Variants in CNBD1 observed in about 807,000 individuals in gnomAD.
The protein encoded by CNBD1 is cyclic nucleotide-binding domain-containing protein 1.
A neutral mutation model predicts 54.4 loss-of-function variants in CNBD1; 71 were observed. The ratio of observed to expected loss-of-function variants is 1.30; its 90% CI spans 1.08 to 1.59. The LOEUF (loss-of-function observed/expected upper bound fraction) is 1.59. Ranked by LOEUF, CNBD1 falls within the 40% of genes most tolerant of loss-of-function variation. CNBD1 has a pLI of 0.00. For synonymous variants in CNBD1, 182 were observed against 170.7 expected, an observed-to-expected ratio of 1.07 and a Z score of -0.51; for missense variants, 659 against 518.0, an observed-to-expected ratio of 1.27 and a Z score of -2.64.
intron 4 of CNBD1, among the ~76,000 whole-genome samples, chr8:87,057,615 A>G (rs976133302): frequency 1.3e-5 from 2 of 152,172 alleles, no homozygotes; most frequent in Non-Finnish European, 2.9e-5. Flanking sequence ...TTGGGAGGGC[A>G]AGGTGGGTGG....
At chr8:87,260,833 C>T (rs560848468) in intron 6 of CNBD1, among the ~76,000 whole-genome samples, 15 of 151,828 alleles carry the variant, frequency 9.9e-5, no homozygotes, top group African/African-American at 3.6e-4. Context: ...TTTACTGCCT[C>T]CTAGGCCTAA....
intron 3 of CNBD1, among the ~76,000 whole-genome samples, chr8:86,927,947 G>C (rs372012610): frequency 6.6e-6 from 1 of 151,980 alleles, no homozygotes; most frequent in Admixed American, 6.6e-5. Context: ...GGTTCCTCAG[G>C]GGGTGTCCAA....
intron 4 of CNBD1, among the ~76,000 whole-genome samples, chr8:87,171,164 T>G (rs531368341): frequency 5.4e-4 from 83 of 152,310 alleles, no homozygotes; most frequent in African/African-American, 1.9e-3. Flanking sequence ...GGCTTTTCTT[T>G]GCTGGGAGAC....
intron 8 of CNBD1, among the ~76,000 whole-genome samples, chr8:87,322,779 C>A (rs1386529611): frequency 2.2e-5 from 2 of 91,222 alleles, no homozygotes; most frequent in East Asian, 2.5e-4. Flanking sequence ...ATGGTAGTTT[C>A]TTTTGCTGTG....
intron 8 of CNBD1, among the ~76,000 whole-genome samples, chr8:87,343,342 G>A (rs1204937977): frequency 6.6e-6 from 1 of 152,260 alleles, no homozygotes; most frequent in South Asian, 2.1e-4. Flanking sequence ...ACAGGGTCCT[G>A]AGGTGACATA....
At position 87,068,208 on chromosome 8, in the gene CNBD1, A is replaced by T. The variant is rs73693013; in HGVS notation, c.431+128454A>T. On this transcript the variant is annotated intron_variant, in intron 4 of 10. Transcript: ENST00000518476. The stretch of plus-strand genomic sequence containing the variant: ...CTTGTAGATGAATGTTATCTTACTC[A>T]TCAAATTCTGACAAAGTGTTTAGTT... 4.1e-3 allele frequency among the ~76,000 whole-genome samples: 630 copies of T among 152,170 alleles called. 6 individuals are homozygous for T. Among genetic ancestry groups the T allele is most frequent in the African/African-American group, 0.014 (595 of 41,568 alleles).
intron 4 of CNBD1, among the ~76,000 whole-genome samples, chr8:87,059,639 C>A (rs1169781577): frequency 6.6e-6 from 1 of 152,210 alleles, no homozygotes; most frequent in African/African-American, 2.4e-5. Flanking sequence ...ACCATCAGAT[C>A]TTGTGAGAAC....
intron 6 of CNBD1, 126 bp downstream of exon 6, chr8:87,237,238 T>A: frequency 2.0e-6 from 1 of 495,248 alleles, no homozygotes; most frequent in Non-Finnish European, 3.5e-6. Flanking sequence ...AATATAGCCT[T>A]TAAAATATAA....
intron 2 of CNBD1, among the ~76,000 whole-genome samples, chr8:87,413,360 C>T (rs1005223706): frequency 1.1e-4 from 17 of 152,024 alleles, no homozygotes; most frequent in Non-Finnish European, 2.2e-4. Context: ...AAGTCTTCAT[C>T]CACTTAAAAT....
intron 3 of CNBD1, among the ~76,000 whole-genome samples, chr8:86,924,594 ATG>A (rs1432401753): frequency 6.6e-6 from 1 of 152,164 alleles, no homozygotes; most frequent in East Asian, 1.9e-4. Flanking sequence ...AGTGAAGACA[ATG>A]AATATTTTTT....
chr8:87,351,697 G>C lies in CNBD1; in HGVS notation c.1055G>C (p.Ser352Thr). 2.0e-6 allele frequency: 3 copies of C among 1,516,276 alleles called. No homozygotes were observed. Among genetic ancestry groups the C allele is most frequent in the Non-Finnish European group, 2.6e-6 (3 of 1,136,782 alleles). The allele number at this position is 1,516,276 out of a possible 1,614,324, so 93.9% of individuals were successfully genotyped here. The change falls in exon 9 of 11, where the codon AGT (serine) becomes ACT (threonine). Residue 352 changes from serine to threonine, a missense_variant. By Grantham distance (58) the Ser-to-Thr change is moderately conservative. Transcript: ENST00000518476. ...CTCTTCTTTTCAGTGATAGTGGAAA[G>C]TGGAAATATAATTTCTTTTGTGGGT... ...KFPPGHVIVE[S>T]GNIISFVGYI...
At chr8:87,228,357 C>G (rs970633033) in intron 5 of CNBD1, among the ~76,000 whole-genome samples, 1 of 149,564 alleles carries the variant, frequency 6.7e-6, no homozygotes, top group South Asian at 2.1e-4. Flanking sequence ...CTGTTTTTTC[C>G]CCATCTTTGT....
In CNBD1 at chr8:87,163,929, T is replaced by C. The variant is rs1812909486; in HGVS notation, c.432-42064T>C. Among the ~76,000 whole-genome samples the C allele has an allele frequency of 6.6e-6, 1 of 151,916 alleles. No homozygotes were observed. The highest frequency in any genetic ancestry group is 1.5e-5 in the Non-Finnish European group (1 of 67,884). ...CTGCTGAGTCTAAAGTTAGAGGTGG[T>C]CCTGTGATATATGGTCTTTATTGTA... On this transcript the variant is annotated intron_variant, in intron 4 of 10. Coordinates refer to ENST00000518476, the MANE Select transcript of CNBD1 (RefSeq NM_173538.3). The surrounding 1 kb of genome is among the most constrained non-coding windows in gnomAD (Gnocchi z 4.5).
At chr8:87,347,170 GT>G (rs977951461) in intron 8 of CNBD1, among the ~76,000 whole-genome samples, 1 of 152,090 alleles carries the variant, frequency 6.6e-6, no homozygotes, top group Non-Finnish European at 1.5e-5. Context: ...TTTTATTAAT[GT>G]TTTTTGATAA....
At chr8:87,125,077 C>T (rs568542223) in intron 4 of CNBD1, among the ~76,000 whole-genome samples, 8 of 151,514 alleles carry the variant, frequency 5.3e-5, no homozygotes, top group Non-Finnish European at 1.0e-4. Context: ...ATACTTAGTT[C>T]TAAATTCAGC....
At chr8:87,283,076 A>C (rs949991960) in intron 6 of CNBD1, among the ~76,000 whole-genome samples, 2 of 152,024 alleles carry the variant, frequency 1.3e-5, no homozygotes, top group Non-Finnish European at 2.9e-5. Context: ...GTCTCCATCT[A>C]TCTTCTGTAG....
chr8:87,384,916 A>G (rs535171285), downstream of CNBD1, among the ~76,000 whole-genome samples: 3 of 152,332 alleles, frequency 2.0e-5, no homozygotes, highest in Admixed American at 6.5e-5. Flanking sequence ...ATGGAATCAG[A>G]GTAATAGCAG....
intron 2 of CNBD1, among the ~76,000 whole-genome samples, chr8:86,896,025 T>C (rs1260727149): frequency 6.6e-6 from 1 of 152,096 alleles, no homozygotes; most frequent in Non-Finnish European, 1.5e-5. Flanking sequence ...AGATATATTT[T>C]GGTTTTCAAA....
At chr8:87,331,030 T>C (rs1200877183) in intron 8 of CNBD1, among the ~76,000 whole-genome samples, 3 of 152,178 alleles carry the variant, frequency 2.0e-5, no homozygotes, top group Admixed American at 6.5e-5. Context: ...ATATTTACCA[T>C]ATTTGTTAGT....
Sources: allele counts gnomAD v4.1 joint callset (sites outside exome capture counted in the v4.1 genomes callset), GRCh38; gene constraint gnomAD v4.1.1; non-coding constraint Gnocchi (gnomAD v3.1); transcripts MANE v1.5; gene names NCBI Gene and HGNC (gene_info 2026-07-23, HGNC 2026-07-21).